AOX1: variants seen among roughly 807,000 people sequenced by gnomAD.
AOX1 encodes aldehyde oxidase.
In AOX1, 153 loss-of-function variants were observed where a neutral mutation model predicts 169.5. The ratio of observed to expected loss-of-function variants is 0.90; its 90% confidence interval spans 0.79 to 1.03. The LOEUF is 1.03. Ranked by LOEUF, AOX1 falls within the 50% of genes least tolerant of loss-of-function variation. The probability of loss-of-function intolerance (pLI) is 0.00; values close to 1 mark genes in which losing one functional copy is unlikely to be tolerated. For missense variants in AOX1, 1,656 were observed against 1,663.9 expected, an observed-to-expected ratio of 1.00 and a Z score of 0.08; for synonymous variants, 562 against 581.9, an observed-to-expected ratio of 0.97 and a Z score of 0.49.
intron 31 of AOX1, among the ~76,000 whole-genome samples, chr2:200,664,604 G>A (rs1377899647): frequency 1.3e-5 from 2 of 152,184 alleles, no homozygotes; most frequent in East Asian, 1.9e-4. Context: ...AATGATCTTA[G>A]GGGATGTGTC....
chr2:200,615,358 G>A (rs2034729867), intron 15 of AOX1, among the ~76,000 whole-genome samples: 1 of 152,154 alleles, frequency 6.6e-6, no homozygotes, highest in Admixed American at 6.5e-5. Context: ...ACCACCATGT[G>A]TATTGTTGAA....
chr2:200,668,676 C>T lies in AOX1; in HGVS notation c.3671C>T (p.Pro1224Leu), dbSNP rs2035970795. The change falls in exon 33 of 35, where the codon CCC becomes CTC. Residue 1224 changes from proline (P) to leucine (L), a missense_variant. Transcript: ENST00000374700. ...LYTIEELNYS[P>L]QGILHTRGPD... The stretch of plus-strand genomic sequence containing the variant: ...ACAATAGAGGAACTGAATTATTCTC[C>T]CCAGGGCATTCTGCACACTCGTGGT... 1.2e-6 allele frequency: 2 copies of T among 1,613,986 alleles called. No homozygotes were observed. The highest frequency in any genetic ancestry group is 1.7e-5 in the Admixed American group (1 of 60,002).
At chr2:200,591,556 G>A (rs1304573944) in intron 1 of AOX1, among the ~76,000 whole-genome samples, 2 of 152,098 alleles carry the variant, frequency 1.3e-5, no homozygotes, top group African/African-American at 2.4e-5. Context: ...CTTGTATTCC[G>A]GAAATAGTTG....
At chr2:200,606,722 G>A (rs573868578) in intron 10 of AOX1, among the ~76,000 whole-genome samples, 1 of 152,144 alleles carries the variant, frequency 6.6e-6, no homozygotes, top group African/African-American at 2.4e-5. Flanking sequence ...GTATTCCTAG[G>A]TATTTTCTTC....
chr2:200,625,825 T>C (rs2034987934), intron 19 of AOX1, among the ~76,000 whole-genome samples: 1 of 152,180 alleles, frequency 6.6e-6, no homozygotes, highest in Admixed American at 6.5e-5. Context: ...CAGATTCCAA[T>C]AGGAAGTGTG....
At position 200,670,774 on chromosome 2, in the gene AOX1, A is replaced by G. The variant is rs1160915929; in HGVS notation, c.*95A>G. ...GGAAGATGCTAGATCTGAAAGACAGAGTTTCCACAGTTCAGAAATCATCCC... is the reference window on the plus strand; with the variant it reads ...GGAAGATGCTAGATCTGAAAGACAGGGTTTCCACAGTTCAGAAATCATCCC... On this transcript the variant is annotated 3_prime_UTR_variant, in exon 35 of 35. Coordinates refer to ENST00000374700, the MANE Select transcript of AOX1 (RefSeq NM_001159.4). 3 of 969,300 alleles carry G rather than the reference A, an allele frequency of 3.1e-6. No homozygotes were observed. The highest frequency in any genetic ancestry group is 4.8e-6 in the Non-Finnish European group (3 of 623,914). The allele number at this position is 969,300 out of a possible 1,614,324, so 60.0% of individuals were successfully genotyped here.
At chr2:200,601,330 C>T (rs1264441215) in intron 5 of AOX1, among the ~76,000 whole-genome samples, 5 of 152,002 alleles carry the variant, frequency 3.3e-5, no homozygotes, top group East Asian at 1.9e-4. Flanking sequence ...AAGATGTATT[C>T]GTCAAAGGTA....
intron 32 of AOX1, among the ~76,000 whole-genome samples, chr2:200,667,445 C>A (rs2035942620): frequency 7.1e-6 from 1 of 141,748 alleles, no homozygotes; most frequent in Non-Finnish European, 1.6e-5. Context: ...GTGTCCCCTC[C>A]CCCCCACCCC....
intron 7 of AOX1, 135 bp from the exon 8 acceptor site, chr2:200,603,882 G>A (rs189423155): frequency 1.9e-4 from 120 of 631,390 alleles, no homozygotes; most frequent in Middle Eastern, 6.1e-4. Flanking sequence ...TTTGGAGCGC[G>A]GGGATTGTGG....
Position 200,592,877 on chromosome 2 carries a change from A to G in AOX1, c.46-269A>G, listed in dbSNP as rs548592425. On this transcript the variant is annotated intron_variant, in intron 1 of 34. Transcript: ENST00000374700. ...AACTTTCTAGAAAAAACTGGACAGG[A>G]GGTAGTGTTTCTGTTAGCAGAAACA... 2.6e-5 allele frequency among the ~76,000 whole-genome samples: 4 copies of G among 152,272 alleles called. No individual in the cohort carries two copies. The East Asian group carries it at 7.7e-4, about 29-fold the overall frequency.
rs1402141449 is a variant in AOX1, at chr2:200,620,804, C to T, written c.1859C>T (p.Ala620Val). 3.1e-6 allele frequency: 5 copies of T among 1,600,592 alleles called. No homozygotes were observed. Residue 620 changes from alanine to valine, a missense_variant, in exon 17 of 35, where the codon GCT (alanine) becomes GTT (valine). By Grantham distance (64) the Ala-to-Val change is moderately conservative (BLOSUM62 0). Coordinates refer to ENST00000374700, the MANE Select transcript of AOX1 (RefSeq NM_001159.4). ...TTGACTTTTGTGACTAGTTCAAGAGCTCATGCTAAGATTGTGTAAGTGGTA... is the reference window on the plus strand; with the variant it reads ...TTGACTTTTGTGACTAGTTCAAGAGTTCATGCTAAGATTGTGTAAGTGGTA... ...LFLTFVTSSR[A>V]HAKIVSIDLS...
In AOX1 at chr2:200,641,156, C is replaced by T. The variant is rs745350737; in HGVS notation, c.2627C>T (p.Ala876Val). 3 of 1,612,824 alleles carry T rather than the reference C, an allele frequency of 1.9e-6. No homozygotes were observed. Among genetic ancestry groups the T allele is most frequent in the African/African-American group, 1.3e-5 (1 of 74,930 alleles). ...CTGGACATGGAGCATTACAGCAATGCAGGCGCCTCCTTGGATGAATCATTA... is the reference window on the plus strand; with the variant it reads ...CTGGACATGGAGCATTACAGCAATGTAGGCGCCTCCTTGGATGAATCATTA... ...LALDMEHYSN[A>V]GASLDESLFV... Residue 876 changes from alanine to valine, a missense_variant, in exon 24 of 35, where the codon GCA becomes GTA. Ala to Val is a moderately conservative substitution (Grantham distance 64, BLOSUM62 0). Coordinates refer to ENST00000374700, the MANE Select transcript of AOX1 (RefSeq NM_001159.4).
chr2:200,607,580 C>A (rs2034541699), intron 10 of AOX1, among the ~76,000 whole-genome samples: 2 of 152,062 alleles, frequency 1.3e-5, no homozygotes, highest in Admixed American at 1.3e-4. Flanking sequence ...GGATCTAGAA[C>A]CAGAAATACC....
chr2:200,617,308 A>T (rs564437251), intron 16 of AOX1, among the ~76,000 whole-genome samples: 2 of 152,214 alleles, frequency 1.3e-5, no homozygotes, highest in Non-Finnish European at 2.9e-5. Context: ...CACGAAGAGC[A>T]TTTTTCCCCT....
At chr2:200,618,702 G>A (rs1425607331) in intron 16 of AOX1, among the ~76,000 whole-genome samples, 1 of 152,110 alleles carries the variant, frequency 6.6e-6, no homozygotes, top group Non-Finnish European at 1.5e-5. Context: ...GGTAGTGAGT[G>A]GGGAGCACTC....
intron 1 of AOX1, 32 bp downstream of exon 1, chr2:200,586,185 A>G (rs1319637730): frequency 1.3e-6 from 2 of 1,539,194 alleles, no homozygotes; most frequent in Non-Finnish European, 8.8e-7. Context: ...CTGCCCCCAG[A>G]CCTGCGGCCA....
At position 200,616,005 on chromosome 2, in the gene AOX1, A is replaced by G. The variant is rs1449411133; in HGVS notation, c.1646A>G (p.Tyr549Cys). 6.2e-7 allele frequency: 1 copy of G among 1,613,760 alleles called. No homozygotes were observed. The highest frequency in any genetic ancestry group is 2.2e-5 in the East Asian group (1 of 44,882). ...PVHYPSLADK[Y>C]ESALEDLHSK... is the part of the protein sequence containing the mutation. ...CACTATCCTAGCCTTGCAGACAAGTATGAAAGTGCTTTAGAAGATCTTCAT... is the reference window on the plus strand; with the variant it reads ...CACTATCCTAGCCTTGCAGACAAGTGTGAAAGTGCTTTAGAAGATCTTCAT... Residue 549 changes from tyrosine (Y) to cysteine (C), a missense_variant, in exon 16 of 35, where the codon TAT (tyrosine) becomes TGT (cysteine). By Grantham distance (194) the Tyr-to-Cys change is radical. Coordinates refer to ENST00000374700, the MANE Select transcript of AOX1 (RefSeq NM_001159.4).
chr2:200,650,890 G>A, intron 25 of AOX1, 84 bp from the exon 26 acceptor site: 3 of 1,316,642 alleles, frequency 2.3e-6, no homozygotes, highest in Non-Finnish European at 3.2e-6. Flanking sequence ...AGGATGGGCA[G>A]AATTTGACCA....
intron 20 of AOX1, among the ~76,000 whole-genome samples, chr2:200,632,413 C>T (rs1481111287): frequency 5.9e-5 from 9 of 151,518 alleles, no homozygotes; most frequent in Admixed American, 5.9e-4. Context: ...AGTGTAGAAG[C>T]TTTACCTCCC....
Sources: gnomAD v4.1 joint callset for allele counts (sites outside exome capture counted in the v4.1 genomes callset) on GRCh38, gnomAD v4.1.1 for gene constraint, MANE v1.5 for transcripts, NCBI Gene and HGNC (gene_info 2026-07-23, HGNC 2026-07-21) for gene names.